The following FSTL5 variants were observed in gnomAD, a reference collection of about 807,000 sequenced individuals.
FSTL5 encodes the protein follistatin like 5.
FSTL5 carries 62 observed loss-of-function variants against 89.1 expected under a neutral mutation model. The observed-to-expected ratio is 0.70, with a 90% confidence interval of 0.57 to 0.86. The LOEUF is 0.86. Ranked by LOEUF, FSTL5 falls within the 40% of genes least tolerant of loss-of-function variation. The probability of loss-of-function intolerance (pLI) is 0.00; values close to 1 mark genes in which losing one functional copy is unlikely to be tolerated. For missense variants in FSTL5, 1,057 were observed against 1,001.6 expected (o/e 1.06, Z -0.75); for synonymous variants, 383 against 346.2 (o/e 1.11, Z -1.18).
intron 7 of FSTL5, among the ~76,000 whole-genome samples, chr4:161,638,348 C>T (rs1474859786): frequency 6.6e-6 from 1 of 152,052 alleles, no homozygotes; most frequent in East Asian, 1.9e-4. Flanking sequence ...TGCTTATCAG[C>T]TTAAGGAGAT....
In FSTL5 at chr4:161,585,805, G is replaced by T. The variant is rs1297192659; in HGVS notation, c.1015+1650C>A. Reference sequence around the variant, plus strand: ...GGACGAGCATCCTCAGCACAGACTTGTCCTACCCTCTCAAGATTGTGTATC... The same window carrying T: ...GGACGAGCATCCTCAGCACAGACTTTTCCTACCCTCTCAAGATTGTGTATC... On this transcript the variant is annotated intron_variant, in intron 8 of 15. Coordinates refer to ENST00000306100, the MANE Select transcript of FSTL5 (RefSeq NM_020116.5). Among the ~76,000 whole-genome samples the T allele has an allele frequency of 2.0e-5, 3 of 152,058 alleles. No individual in the cohort carries two copies. The East Asian group carries it at 5.8e-4, about 29-fold the overall frequency.
chr4:161,928,524 C>A (rs1734191808), intron 3 of FSTL5, among the ~76,000 whole-genome samples: 1 of 151,760 alleles, frequency 6.6e-6, no homozygotes, highest in Non-Finnish European at 1.5e-5. Flanking sequence ...TTCCATTTTG[C>A]ATTCCCACCA....
intron 6 of FSTL5, among the ~76,000 whole-genome samples, chr4:161,708,673 C>T (rs924306153): frequency 2.6e-5 from 4 of 151,836 alleles, no homozygotes; most frequent in Non-Finnish European, 5.9e-5. Flanking sequence ...TCCATGACTG[C>T]GACTTTGTTG....
chr4:162,001,993 A>AT, intron 3 of FSTL5, among the ~76,000 whole-genome samples: 1 of 151,852 alleles, frequency 6.6e-6, no homozygotes, highest in African/African-American at 2.4e-5. Flanking sequence ...TACTTTTTTT[A>AT]TTTTTTTTAA....
At chr4:161,639,245 A>T (rs1329021065) in intron 7 of FSTL5, among the ~76,000 whole-genome samples, 3 of 152,146 alleles carry the variant, frequency 2.0e-5, no homozygotes, top group Admixed American at 1.3e-4. Context: ...TAAAAATGTG[A>T]GGCAGAAAGC....
At chr4:161,884,877 T>C (rs375571629) in intron 4 of FSTL5, among the ~76,000 whole-genome samples, 14 of 152,164 alleles carry the variant, frequency 9.2e-5, no homozygotes, top group Admixed American at 5.2e-4. Flanking sequence ...ATTTCTGCAA[T>C]TGAAAATTGA....
intron 8 of FSTL5, among the ~76,000 whole-genome samples, chr4:161,570,401 C>A (rs1047078910): frequency 1.1e-4 from 16 of 152,016 alleles, no homozygotes; most frequent in African/African-American, 3.9e-4. Context: ...AGGAAGTGTA[C>A]ATTGAATGCA....
intron 8 of FSTL5, among the ~76,000 whole-genome samples, chr4:161,550,143 T>C (rs745778595): frequency 1.3e-5 from 2 of 151,880 alleles, no homozygotes; most frequent in Non-Finnish European, 2.9e-5. Context: ...TTAGTGTCCA[T>C]AGTTGGGACT....
intron 15 of FSTL5, among the ~76,000 whole-genome samples, chr4:161,436,884 C>A (rs1346782493): frequency 6.6e-6 from 1 of 152,164 alleles, no homozygotes; most frequent in Admixed American, 6.5e-5. Context: ...TAGCAAGTAA[C>A]TTCTACGAGT....
chr4:161,569,758 AAC>A (rs56387876), intron 8 of FSTL5, among the ~76,000 whole-genome samples: 13,735 of 134,214 alleles, frequency 0.1, 760 homozygotes, highest in East Asian at 0.29. Flanking sequence ...CCAACACACA[AAC>A]ACACACACAC....
At chr4:162,139,511 C>T (rs988469333) in intron 1 of FSTL5, among the ~76,000 whole-genome samples, 2 of 151,544 alleles carry the variant, frequency 1.3e-5, no homozygotes, top group African/African-American at 4.8e-5. Flanking sequence ...CCACATTAGG[C>T]GAAAGTTAGA....
At chr4:161,894,336 C>T (rs1733085195) in intron 4 of FSTL5, among the ~76,000 whole-genome samples, 1 of 152,102 alleles carries the variant, frequency 6.6e-6, no homozygotes, top group South Asian at 2.1e-4. Flanking sequence ...AGTTCATGCT[C>T]ACATGACCTA....
Position 161,385,837 on chromosome 4 carries a change from G to A in FSTL5, c.2454C>T (p.Leu818=). The part of the protein sequence containing the change: ...QYLMTPSKDS[L]FILDGRLNKL... Reference sequence around the variant, plus strand: ...TATTGAGTCGTCCATCTAGGATGAAGAGAGAGTCCTTGGAAGGTGTCATCA... The same window carrying A: ...TATTGAGTCGTCCATCTAGGATGAAAAGAGAGTCCTTGGAAGGTGTCATCA... Residue 818 remains leucine, a synonymous_variant, in exon 16 of 16, where the codon CTC becomes CTT. Coordinates refer to ENST00000306100, the MANE Select transcript of FSTL5 (RefSeq NM_020116.5). 1 of 1,613,778 alleles carries A rather than the reference G, an allele frequency of 6.2e-7. No homozygotes were observed. Among genetic ancestry groups the A allele is most frequent in the South Asian group, 1.1e-5 (1 of 91,052 alleles).
chr4:161,455,596 C>G (rs1252937713), intron 14 of FSTL5, among the ~76,000 whole-genome samples: 1 of 152,022 alleles, frequency 6.6e-6, no homozygotes, highest in Non-Finnish European at 1.5e-5. Flanking sequence ...TATTTTAAAA[C>G]GTTTTCCTCC....
Position 161,985,342 on chromosome 4 carries a change from C to T in FSTL5, c.160+48283G>A, listed in dbSNP as rs1020238324. 3.3e-5 allele frequency among the ~76,000 whole-genome samples: 5 copies of T among 152,050 alleles called. No homozygotes were observed. In the South Asian group the frequency reaches 6.2e-4, roughly 19 times the overall value. ...CTCTATTAAAATATGTTAGTTATAT[C>T]ATATTGTTATATGTCACATCACATA... On this transcript the variant is annotated intron_variant, in intron 3 of 15. Coordinates refer to ENST00000306100, the MANE Select transcript of FSTL5 (RefSeq NM_020116.5).
chr4:161,675,979 T>C (rs1447013508), intron 6 of FSTL5, among the ~76,000 whole-genome samples: 1 of 152,126 alleles, frequency 6.6e-6, no homozygotes, highest in African/African-American at 2.4e-5. Context: ...GATACAATTG[T>C]AGGAAACGAA....
chr4:162,156,374 C>G (rs560040101), intron 1 of FSTL5, among the ~76,000 whole-genome samples: 39 of 152,172 alleles, frequency 2.6e-4, no homozygotes, highest in Non-Finnish European at 5.0e-4. Flanking sequence ...CTATTTGACC[C>G]AATAATGCGA....
At chr4:161,772,503 A>C (rs1457191256) in intron 5 of FSTL5, among the ~76,000 whole-genome samples, 1 of 152,076 alleles carries the variant, frequency 6.6e-6, no homozygotes, top group Non-Finnish European at 1.5e-5. Context: ...CAGCAGTTTC[A>C]GGATACAAAA....
chr4:162,111,334 C>G lies in FSTL5; in HGVS notation c.63G>C (p.Arg21Ser). 6.2e-7 allele frequency: 1 copy of G among 1,612,032 alleles called. No individual in the cohort carries two copies. Among genetic ancestry groups the G allele is most frequent in the Non-Finnish European group, 8.5e-7 (1 of 1,178,560 alleles). ...GGCCATATCCTCCTTCTTTGGTTGG[C>G]CTTCCTTCCGACTCCAGAAAAATGA... is the stretch of plus-strand genomic sequence containing the variant. ...LGFIFLESEG[R>S]PTKEGGYGLK... The change falls in exon 2 of 16, where the codon AGG (arginine) becomes AGC (serine). Residue 21 changes from arginine (R) to serine (S), a missense_variant. Arg to Ser is a moderately radical substitution (Grantham distance 110). Coordinates refer to ENST00000306100, the MANE Select transcript of FSTL5 (RefSeq NM_020116.5).
Sources: gnomAD v4.1 joint callset for allele counts (sites outside exome capture counted in the v4.1 genomes callset) on GRCh38, gnomAD v4.1.1 for gene constraint, MANE v1.5 for transcripts, NCBI Gene and HGNC (gene_info 2026-07-23, HGNC 2026-07-21) for gene names.